The following ROBO1 variants were observed in gnomAD, a reference collection of about 807,000 sequenced individuals.
ROBO1 encodes roundabout guidance receptor 1, also known as roundabout homolog 1.
In ROBO1, 149 loss-of-function variants were observed where a neutral mutation model predicts 195.9. That is an observed-to-expected ratio of 0.76 (90% CI 0.67 to 0.87). The LOEUF (loss-of-function observed/expected upper bound fraction) is 0.87. Ranked by LOEUF, ROBO1 falls within the 40% of genes least tolerant of loss-of-function variation. The pLI is 0.00. For missense variants in ROBO1, 1,933 were observed against 2,068.3 expected (o/e 0.93, Z 1.27); for synonymous variants, 816 against 733.2 (o/e 1.11, Z -1.82).
chr3:78,633,866 G>C, intron 24 of ROBO1, 69 bp downstream of exon 24: 2 of 1,005,264 alleles, frequency 2.0e-6, no homozygotes, highest in African/African-American at 1.6e-5. Context: ...CAGTCCATTA[G>C]CACTCAATTT....
chr3:79,559,939 T>C (rs1942847882), intron 2 of ROBO1, among the ~76,000 whole-genome samples: 1 of 151,944 alleles, frequency 6.6e-6, no homozygotes, highest in Non-Finnish European at 1.5e-5. Flanking sequence ...TGCTGATATT[T>C]TACATAAGTA....
At chr3:79,139,145 T>C (rs1196479335) in intron 2 of ROBO1, among the ~76,000 whole-genome samples, 6 of 151,418 alleles carry the variant, frequency 4.0e-5, no homozygotes, top group East Asian at 1.9e-4. Context: ...AACATATATA[T>C]ATATTTTATG....
chr3:78,992,534 G>T (rs1203947286), intron 3 of ROBO1, among the ~76,000 whole-genome samples: 1 of 152,152 alleles, frequency 6.6e-6, no homozygotes, highest in African/African-American at 2.4e-5. Context: ...GATGACATTT[G>T]TGAGCAGTTT....
At chr3:79,476,716 G>T (rs1370753123) in intron 2 of ROBO1, among the ~76,000 whole-genome samples, 2 of 151,900 alleles carry the variant, frequency 1.3e-5, no homozygotes, top group African/African-American at 2.4e-5. Flanking sequence ...AAGTTATGAG[G>T]ATGCAAAGGC....
intron 10 of ROBO1, among the ~76,000 whole-genome samples, chr3:78,673,562 T>TTATATATATATATA (rs1166250669): frequency 2.1e-4 from 13 of 63,366 alleles, no homozygotes; most frequent in South Asian, 1.1e-3. Context: ...TACATATATT[T>TTATATATATATATA]TATATATATA....
At chr3:78,667,607 C>T (rs992001194) in intron 14 of ROBO1, among the ~76,000 whole-genome samples, 7 of 152,036 alleles carry the variant, frequency 4.6e-5, no homozygotes, top group African/African-American at 1.7e-4. Flanking sequence ...TTCTACTTTC[C>T]ATCTCCTCAC....
At chr3:79,589,712 A>T in intron 2 of ROBO1, 112 bp downstream of exon 2, 1 of 829,934 alleles carries the variant, frequency 1.2e-6, no homozygotes, top group African/African-American at 1.7e-5. Flanking sequence ...CAGACTTACA[A>T]GTTCCAAAGA....
At chr3:79,674,697 G>T (rs1014368897) in intron 1 of ROBO1, among the ~76,000 whole-genome samples, 11 of 151,726 alleles carry the variant, frequency 7.2e-5, no homozygotes, top group Admixed American at 5.9e-4. Flanking sequence ...CCTAGGCAAT[G>T]ATTTAAATAT....
chr3:78,673,574 A>ATG (rs1708209930), intron 10 of ROBO1, among the ~76,000 whole-genome samples: 4 of 42,204 alleles, frequency 9.5e-5, no homozygotes, highest in African/African-American at 3.4e-4. Context: ...ATATATATAT[A>ATG]TATATATATA....
At chr3:79,328,985 C>A (rs1247466752) in intron 2 of ROBO1, among the ~76,000 whole-genome samples, 1 of 152,088 alleles carries the variant, frequency 6.6e-6, no homozygotes, top group Non-Finnish European at 1.5e-5. Context: ...GGATAGAAGG[C>A]GTCATAAAAG....
At chr3:79,533,144 T>C (rs945999190) in intron 2 of ROBO1, 3 of 423,624 alleles carry the variant, frequency 7.1e-6, no homozygotes, top group Non-Finnish European at 1.4e-5. Context: ...ACTTTTATAA[T>C]ATGGAGGCTG....
At chr3:79,551,049 C>T (rs972489483) in intron 2 of ROBO1, among the ~76,000 whole-genome samples, 2 of 152,000 alleles carry the variant, frequency 1.3e-5, no homozygotes, top group Non-Finnish European at 2.9e-5. Flanking sequence ...TATCAGGCAG[C>T]AAAAAGGACT....
intron 2 of ROBO1, among the ~76,000 whole-genome samples, chr3:79,402,377 G>A (rs1483923971): frequency 1.3e-5 from 2 of 151,886 alleles, no homozygotes; most frequent in Non-Finnish European, 2.9e-5. Flanking sequence ...TGCATACTGT[G>A]AGGTGGATTC....
At chr3:78,772,404 AAT>A (rs1005251978) in intron 4 of ROBO1, among the ~76,000 whole-genome samples, 33 of 152,240 alleles carry the variant, frequency 2.2e-4, no homozygotes, top group African/African-American at 7.5e-4. Flanking sequence ...GTCATCATAA[AAT>A]ATGTTTCTAA....
intron 2 of ROBO1, among the ~76,000 whole-genome samples, chr3:79,138,166 T>G (rs2080451696): frequency 6.6e-6 from 1 of 152,066 alleles, no homozygotes; most frequent in African/African-American, 2.4e-5. Context: ...TTCTAAAAAT[T>G]ATTCTTCAAC....
chr3:78,877,633 C>G (rs991532922), intron 4 of ROBO1, among the ~76,000 whole-genome samples: 6 of 152,132 alleles, frequency 3.9e-5, no homozygotes, highest in African/African-American at 1.4e-4. Flanking sequence ...TTGCACACTT[C>G]TAACTAGATT....
chr3:79,052,447 A>G (rs1173072864), intron 3 of ROBO1, among the ~76,000 whole-genome samples: 1 of 152,024 alleles, frequency 6.6e-6, no homozygotes, highest in Non-Finnish European at 1.5e-5. Flanking sequence ...CAGTCTGGCC[A>G]TGTGATCTCA....
chr3:79,349,211 C>T (rs1408533458), intron 2 of ROBO1, among the ~76,000 whole-genome samples: 2 of 152,018 alleles, frequency 1.3e-5, no homozygotes, highest in Non-Finnish European at 2.9e-5. Context: ...TGAGAATTAG[C>T]CTATGAGGAT....
At chr3:79,357,443 C>T (rs532386918) in intron 2 of ROBO1, among the ~76,000 whole-genome samples, 1 of 152,146 alleles carries the variant, frequency 6.6e-6, no homozygotes, top group African/African-American at 2.4e-5. Context: ...ATCATTATGT[C>T]AATTAAAAAC....
Sources: allele counts gnomAD v4.1 joint callset (sites outside exome capture counted in the v4.1 genomes callset), GRCh38; gene constraint gnomAD v4.1.1; transcripts MANE v1.5; gene names NCBI Gene and HGNC (gene_info 2026-07-23, HGNC 2026-07-21).